Variants in PCCA observed in about 807,000 individuals in gnomAD.
PCCA encodes propionyl-CoA carboxylase subunit alpha.
PCCA carries 74 observed loss-of-function variants against 101.3 expected under a neutral mutation model. That is an observed-to-expected ratio of 0.73 (90% CI 0.61 to 0.89). The LOEUF (loss-of-function observed/expected upper bound fraction) is 0.89, where lower values mean the gene tolerates loss of function less well. Ranked by LOEUF, PCCA falls within the 40% of genes least tolerant of loss-of-function variation. The probability of loss-of-function intolerance (pLI) is 0.00; values close to 1 mark genes in which losing one functional copy is unlikely to be tolerated. For missense variants in PCCA, 891 were observed against 907.0 expected (o/e 0.98, Z 0.23); for synonymous variants, 294 against 313.6 (o/e 0.94, Z 0.66).
At position 100,449,243 on chromosome 13, in the gene PCCA, GT is replaced by G; in HGVS notation, c.1846-3del. On this transcript the variant is annotated splice_region_variant and splice_polypyrimidine_tract_variant and intron_variant, in intron 20 of 23. Transcript: ENST00000376285. Reference sequence around the variant, plus strand: ...TGAGTTCATTTTATATCTCTTGTTTGTTTTTTAGTGTCTTTCTCGAGAAGCA... The same window carrying G: ...TGAGTTCATTTTATATCTCTTGTTTGTTTTTAGTGTCTTTCTCGAGAAGCA... The G allele has an allele frequency of 1.3e-6, 2 of 1,528,816 alleles. No individual in the cohort carries two copies. The highest frequency in any genetic ancestry group is 1.8e-6 in the Non-Finnish European group (2 of 1,126,814). 94.7% of individuals were successfully genotyped at this position (1,528,816 alleles called of 1,614,324 possible).
At chr13:100,258,591 T>TATC (rs1212016721) in intron 9 of PCCA, among the ~76,000 whole-genome samples, 1 of 152,220 alleles carries the variant, frequency 6.6e-6, no homozygotes, top group Non-Finnish European at 1.5e-5. Flanking sequence ...TCAGGTTTCT[T>TATC]ATCAGTCATT....
At chr13:100,113,054 A>T (rs928954915) in intron 4 of PCCA, among the ~76,000 whole-genome samples, 2 of 152,236 alleles carry the variant, frequency 1.3e-5, no homozygotes, top group South Asian at 2.1e-4. Context: ...GGTAGGGTCC[A>T]TCAGTTAATG....
chr13:100,496,818 T>G (rs12429006), intron 21 of PCCA, among the ~76,000 whole-genome samples: 51,650 of 151,884 alleles, frequency 0.34, 9,378 homozygotes, highest in East Asian at 0.58. Flanking sequence ...TGACTTAAGG[T>G]AATGATTATG....
At chr13:100,495,110 G>A (rs760057236) in intron 21 of PCCA, among the ~76,000 whole-genome samples, 7 of 151,908 alleles carry the variant, frequency 4.6e-5, no homozygotes, top group Non-Finnish European at 7.4e-5. Flanking sequence ...GGGAGGGAGT[G>A]CTATGGCATC....
At chr13:100,285,121 G>A (rs1037313721) in intron 12 of PCCA, among the ~76,000 whole-genome samples, 4 of 152,192 alleles carry the variant, frequency 2.6e-5, no homozygotes, top group Non-Finnish European at 4.4e-5. Flanking sequence ...GCCTATACTG[G>A]CTTATCCTTG....
chr13:100,207,601 C>T (rs980672972), intron 6 of PCCA, among the ~76,000 whole-genome samples: 3 of 151,916 alleles, frequency 2.0e-5, no homozygotes, highest in Admixed American at 1.3e-4. Flanking sequence ...AGGATGGTCT[C>T]GATCTCCTGA....
rs1223363775 is a variant in PCCA, at chr13:100,340,211, T to C, written c.1595T>C (p.Leu532Ser). The C allele has an allele frequency of 6.2e-7, 1 of 1,611,808 alleles. No individual in the cohort carries two copies. Among genetic ancestry groups the C allele is most frequent in the Non-Finnish European group, 8.5e-7 (1 of 1,177,986 alleles). ...KNQLLAIASS[L>S]FVAFQLRAQH... Reference sequence around the variant, plus strand: ...CAGTTATTGGCAATAGCATCATCATTGTTTGTGGCATTCCAGTTAAGAGCA... The same window carrying C: ...CAGTTATTGGCAATAGCATCATCATCGTTTGTGGCATTCCAGTTAAGAGCA... The change falls in exon 18 of 24, where the codon TTG becomes TCG. Residue 532 changes from leucine to serine, a missense_variant. Leu to Ser is a moderately radical substitution (Grantham distance 145). Transcript: ENST00000376285.
intron 16 of PCCA, among the ~76,000 whole-genome samples, chr13:100,324,201 C>G (rs1413478413): frequency 6.6e-6 from 1 of 152,190 alleles, no homozygotes; most frequent in Non-Finnish European, 1.5e-5. Context: ...CTTCCTCCCA[C>G]TTGCTTTCAT....
chr13:100,330,530 G>A (rs747999397), intron 16 of PCCA, 31 bp from the exon 17 acceptor site: 7 of 1,296,622 alleles, frequency 5.4e-6, no homozygotes, highest in Admixed American at 1.7e-5. Flanking sequence ...CTGATTCATT[G>A]TTCTTCAATT....
intron 22 of PCCA, among the ~76,000 whole-genome samples, chr13:100,524,695 T>A (rs1189563261): frequency 1.3e-5 from 2 of 151,996 alleles, no homozygotes; most frequent in Admixed American, 6.6e-5. Flanking sequence ...AATGTGGTAA[T>A]ACCCTATCTG....
intron 7 of PCCA, among the ~76,000 whole-genome samples, chr13:100,235,594 A>G (rs1017216895): frequency 1.3e-5 from 2 of 152,220 alleles, no homozygotes; most frequent in Non-Finnish European, 2.9e-5. Context: ...ATCATTGGCA[A>G]TTCTGGTAGT....
At chr13:100,493,916 C>T (rs1034128657) in intron 21 of PCCA, among the ~76,000 whole-genome samples, 14 of 152,164 alleles carry the variant, frequency 9.2e-5, no homozygotes, top group Non-Finnish European at 1.3e-4. Context: ...TTTGGCTGGG[C>T]GCGGTGGCTC....
At chr13:100,153,870 C>A (rs901595697) in intron 4 of PCCA, among the ~76,000 whole-genome samples, 1 of 152,142 alleles carries the variant, frequency 6.6e-6, no homozygotes, top group Non-Finnish European at 1.5e-5. Context: ...TTTCAATACT[C>A]AATATAATTT....
chr13:100,492,023 C>A (rs556424178), intron 21 of PCCA, among the ~76,000 whole-genome samples: 1 of 152,098 alleles, frequency 6.6e-6, no homozygotes, highest in Non-Finnish European at 1.5e-5. Context: ...GAAAGAATTA[C>A]TTAGAAAAGG....
chr13:100,524,998 TAG>T (rs2087654396), intron 22 of PCCA, among the ~76,000 whole-genome samples: 1 of 124,256 alleles, frequency 8.0e-6, no homozygotes, highest in Non-Finnish European at 1.9e-5. Flanking sequence ...GATAGATAGA[TAG>T]ATAGATAGAT....
At chr13:100,503,318 C>G (rs1292224996) in intron 21 of PCCA, among the ~76,000 whole-genome samples, 4 of 151,988 alleles carry the variant, frequency 2.6e-5, no homozygotes, top group Non-Finnish European at 5.9e-5. Flanking sequence ...TGGAGAAACC[C>G]TGTCTCTACT....
At chr13:100,431,570 G>A (rs1214469839) in intron 20 of PCCA, among the ~76,000 whole-genome samples, 1 of 152,170 alleles carries the variant, frequency 6.6e-6, no homozygotes, top group Non-Finnish European at 1.5e-5. Flanking sequence ...TAATCCTCAT[G>A]GGATTGATTT....
At chr13:100,211,436 T>C (rs973196996) in intron 7 of PCCA, among the ~76,000 whole-genome samples, 4 of 152,234 alleles carry the variant, frequency 2.6e-5, no homozygotes, top group Admixed American at 2.6e-4. Context: ...TAAATCAATA[T>C]GTAATTTTGA....
At chr13:100,370,074 CTTT>C (rs386380451) in intron 19 of PCCA, among the ~76,000 whole-genome samples, 6 of 74,668 alleles carry the variant, frequency 8.0e-5, no homozygotes, top group African/African-American at 3.3e-4. Flanking sequence ...GCTGTTACTT[CTTT>C]TTTTTTTTTT....
Sources: allele counts gnomAD v4.1 joint callset (sites outside exome capture counted in the v4.1 genomes callset), GRCh38; gene constraint gnomAD v4.1.1; transcripts MANE v1.5; gene names NCBI Gene and HGNC (gene_info 2026-07-23, HGNC 2026-07-21).